The following IL1RAPL1 variants were observed in gnomAD, a reference collection of about 807,000 sequenced individuals.
IL1RAPL1 encodes the protein interleukin-1 receptor accessory protein-like 1.
In IL1RAPL1, 3 loss-of-function variants were observed where a neutral mutation model predicts 48.4. That is an observed-to-expected ratio of 0.06 (90% CI 0.03 to 0.16). The LOEUF (loss-of-function observed/expected upper bound fraction) is 0.16, where lower values mean the gene tolerates loss of function less well. Among genes scored for constraint, IL1RAPL1 ranks in the 10% least tolerant of loss-of-function variants. The pLI, the probability that IL1RAPL1 is intolerant of heterozygous loss-of-function variation, is 1.00. For missense variants in IL1RAPL1, 349 were observed against 530.6 expected, an observed-to-expected ratio of 0.66 and a Z score of 3.36; for synonymous variants, 185 against 187.7, an observed-to-expected ratio of 0.99 and a Z score of 0.12.
chrX:29,621,166 A>G (rs1237713493), intron 5 of IL1RAPL1, among the ~76,000 whole-genome samples: 1 of 111,993 alleles, frequency 8.9e-6, no homozygotes, highest in Non-Finnish European at 1.9e-5. Context: ...TACAACTAAT[A>G]AAGATTGGTA....
At chrX:29,698,465 G>A (rs959612463) in intron 6 of IL1RAPL1, among the ~76,000 whole-genome samples, 10 of 111,173 alleles carry the variant, frequency 9.0e-5, no homozygotes, top group Middle Eastern at 4.7e-3. Context: ...AGTCATATAT[G>A]TAACTCTGGA....
chrX:29,443,255 T>TCTCTCTCTCTCC, intron 5 of IL1RAPL1, among the ~76,000 whole-genome samples: 1 of 110,243 alleles, frequency 9.1e-6, no homozygotes, highest in Non-Finnish European at 1.9e-5. Context: ...TCTCTCTCTC[T>TCTCTCTCTCTCC]CTCTGTCTCA....
chrX:29,573,979 G>A (rs1175705773), intron 5 of IL1RAPL1, among the ~76,000 whole-genome samples: 1 of 111,056 alleles, frequency 9.0e-6, no homozygotes, highest in African/African-American at 3.3e-5. Context: ...TCCCTTGAAG[G>A]TCTTTGGAAG....
chrX:29,879,393 G>GTA (rs1346571984), intron 6 of IL1RAPL1, among the ~76,000 whole-genome samples: 3 of 96,719 alleles, frequency 3.1e-5, no homozygotes, highest in African/African-American at 1.3e-4. Context: ...GTGTGTGTGT[G>GTA]TGTATATATA....
chrX:29,341,416 A>G (rs1933072986), intron 3 of IL1RAPL1, among the ~76,000 whole-genome samples: 1 of 112,321 alleles, frequency 8.9e-6, no homozygotes, highest in Non-Finnish European at 1.9e-5. Flanking sequence ...TTTGCATACT[A>G]AAAATATAAT....
At chrX:29,346,581 T>G (rs1933152693) in intron 3 of IL1RAPL1, among the ~76,000 whole-genome samples, 1 of 112,776 alleles carries the variant, frequency 8.9e-6, no homozygotes, top group Non-Finnish European at 1.9e-5. Context: ...AGTTACATTT[T>G]GTAAAGCAGG....
At chrX:28,762,179 A>G (rs1936180779) in intron 1 of IL1RAPL1, among the ~76,000 whole-genome samples, 1 of 112,003 alleles carries the variant, frequency 8.9e-6, no homozygotes, top group Non-Finnish European at 1.9e-5. Flanking sequence ...TATGATTTTC[A>G]ATTGCTGATC....
At position 29,920,084 on chromosome X, in the gene IL1RAPL1, T is replaced by A. The variant is rs183925588; in HGVS notation, c.1047T>A (p.Leu349=). 1 of 1,210,060 alleles carries A rather than the reference T, an allele frequency of 8.3e-7. No individual in the cohort carries two copies. Among genetic ancestry groups the A allele is most frequent in the Non-Finnish European group, 1.1e-6 (1 of 895,139 alleles). The part of the protein sequence containing the change: ...GNGRRHASVL[L]HKRELMYTVE... Reference sequence around the variant, plus strand: ...GACGTCGACACGCCAGCGTTCTCCTTCATAAACGAGGTGAGTGTAACCTTC... The same window carrying A: ...GACGTCGACACGCCAGCGTTCTCCTACATAAACGAGGTGAGTGTAACCTTC... Residue 349 remains leucine, a synonymous_variant, in exon 8 of 11, where the codon CTT becomes CTA. Transcript: ENST00000378993.
chrX:28,873,480 C>T (rs190819761), intron 2 of IL1RAPL1, among the ~76,000 whole-genome samples: 8 of 103,005 alleles, frequency 7.8e-5, no homozygotes, highest in African/African-American at 2.5e-4. Flanking sequence ...ACATAGAGTT[C>T]GTAGCAGCAC....
intron 1 of IL1RAPL1, among the ~76,000 whole-genome samples, chrX:28,744,202 A>T (rs933443251): frequency 1.8e-5 from 2 of 111,378 alleles, no homozygotes; most frequent in East Asian, 5.6e-4. Context: ...AAGAGTCTTT[A>T]CATCTTTCCA....
intron 2 of IL1RAPL1, among the ~76,000 whole-genome samples, chrX:29,031,733 G>C (rs150212487): frequency 0.013 from 1,435 of 111,002 alleles, 26 homozygotes; most frequent in African/African-American, 0.045. Flanking sequence ...TTCTATAGTG[G>C]GAGCATCCTT....
chrX:29,049,368 C>CA (rs1286463084), intron 2 of IL1RAPL1, among the ~76,000 whole-genome samples: 1 of 111,993 alleles, frequency 8.9e-6, no homozygotes, highest in Admixed American at 9.5e-5. Context: ...TGAGGTGGCA[C>CA]AAAAAACCAT....
At chrX:29,510,979 C>T (rs1215039648) in intron 5 of IL1RAPL1, among the ~76,000 whole-genome samples, 2 of 111,844 alleles carry the variant, frequency 1.8e-5, no homozygotes, top group East Asian at 5.6e-4. Context: ...TTGAAGACAA[C>T]AGGCATCTGC....
At chrX:29,693,051 C>T (rs1313855321) in intron 6 of IL1RAPL1, among the ~76,000 whole-genome samples, 2 of 112,124 alleles carry the variant, frequency 1.8e-5, no homozygotes, top group East Asian at 5.6e-4. Flanking sequence ...GTTTATGGGT[C>T]TGGTGTCCTG....
chrX:28,684,147 T>A (rs1935089185), intron 1 of IL1RAPL1, among the ~76,000 whole-genome samples: 1 of 112,381 alleles, frequency 8.9e-6, no homozygotes, highest in Admixed American at 9.5e-5. Context: ...TGTAGATTTA[T>A]TTATTGACAA....
intron 5 of IL1RAPL1, among the ~76,000 whole-genome samples, chrX:29,472,614 C>A (rs139435816): frequency 9.0e-6 from 1 of 111,561 alleles, no homozygotes; most frequent in Admixed American, 9.6e-5. Flanking sequence ...TTTAAAAAAT[C>A]TTTCTGATGG....
chrX:29,836,776 T>C (rs980603674), intron 6 of IL1RAPL1, among the ~76,000 whole-genome samples: 1 of 111,447 alleles, frequency 9.0e-6, no homozygotes, highest in South Asian at 3.7e-4. Flanking sequence ...GTTTAAGTTT[T>C]GCAATGACCC....
chrX:28,713,288 A>C (rs1166114674), intron 1 of IL1RAPL1, among the ~76,000 whole-genome samples: 1 of 109,092 alleles, frequency 9.2e-6, no homozygotes, highest in African/African-American at 3.3e-5. Flanking sequence ...GATCTCCTGA[A>C]CTCGTGATCT....
At chrX:28,974,269 G>A (rs926563628) in intron 2 of IL1RAPL1, among the ~76,000 whole-genome samples, 4 of 111,785 alleles carry the variant, frequency 3.6e-5, no homozygotes, top group Non-Finnish European at 7.5e-5. Context: ...TCCCATATAG[G>A]TATTTGGTGA....
Sources: allele counts gnomAD v4.1 joint callset (sites outside exome capture counted in the v4.1 genomes callset), GRCh38; gene constraint gnomAD v4.1.1; transcripts MANE v1.5; gene names NCBI Gene and HGNC (gene_info 2026-07-23, HGNC 2026-07-21).